MYLK4: variants seen among roughly 807,000 people sequenced by gnomAD.
MYLK4 encodes myosin light chain kinase family member 4.
In MYLK4, 46 loss-of-function variants were observed where a neutral mutation model predicts 48.1. The ratio of observed to expected loss-of-function variants is 0.96; its 90% CI spans 0.75 to 1.22. MYLK4 has a LOEUF of 1.22. MYLK4 is among the 50% of genes most tolerant of loss of function. MYLK4 has a pLI of 0.00. For synonymous variants in MYLK4, 170 were observed against 180.8 expected, an observed-to-expected ratio of 0.94 and a Z score of 0.48; for missense variants, 451 against 486.1, an observed-to-expected ratio of 0.93 and a Z score of 0.68.
intron 2 of MYLK4, among the ~76,000 whole-genome samples, chr6:2,710,155 G>A (rs1762623264): frequency 6.6e-6 from 1 of 152,114 alleles, no homozygotes; most frequent in Non-Finnish European, 1.5e-5. Context: ...TCACTTGTAA[G>A]TTTTCTGACA....
intron 7 of MYLK4, chr6:2,680,696 T>C (rs1409503893): frequency 4.0e-6 from 2 of 506,054 alleles, no homozygotes; most frequent in Non-Finnish European, 5.1e-6. Context: ...ATTGATGAGT[T>C]CCAAGGGAAT....
At chr6:2,703,564 G>A (rs1156471534) in intron 2 of MYLK4, among the ~76,000 whole-genome samples, 1 of 150,730 alleles carries the variant, frequency 6.6e-6, no homozygotes, top group Non-Finnish European at 1.5e-5. Context: ...CTCTGGGAGT[G>A]ATTCTGATGC....
intron 2 of MYLK4, among the ~76,000 whole-genome samples, chr6:2,709,744 T>C (rs1366848899): frequency 6.6e-6 from 1 of 152,192 alleles, no homozygotes; most frequent in Non-Finnish European, 1.5e-5. Flanking sequence ...TTGTAAAGCT[T>C]GTGCTAAATG....
rs1407118921 is a variant in MYLK4, at chr6:2,663,774, A to G, written c.*4151T>C. ...ACATGATAGACACAATCACCACGTT[A>G]TGAATCCTTTTTTTAATTTCTTATC... On this transcript the variant is annotated 3_prime_UTR_variant, in exon 13 of 13. Coordinates refer to ENST00000274643, the MANE Select transcript of MYLK4 (RefSeq NM_001012418.5). 6.6e-6 allele frequency: 1 copy of G among 152,626 alleles called. No homozygotes were observed. Among genetic ancestry groups the G allele is most frequent in the African/African-American group, 2.4e-5 (1 of 41,414 alleles). The allele number at this position is 152,626 out of a possible 1,614,324, so 9.5% of individuals were successfully genotyped here.
intron 12 of MYLK4, among the ~76,000 whole-genome samples, chr6:2,670,961 C>T (rs1050837943): frequency 6.6e-6 from 1 of 151,992 alleles, no homozygotes; most frequent in Non-Finnish European, 1.5e-5. Context: ...GTTACCAGCA[C>T]CCCCTGGGCT....
chr6:2,736,363 A>T lies in MYLK4; in HGVS notation c.159+12773T>A, dbSNP rs113980817. On this transcript the variant is annotated intron_variant, in intron 2 of 12. Coordinates refer to ENST00000274643, the MANE Select transcript of MYLK4 (RefSeq NM_001012418.5). ...TCCGCCTCCCAGGTTCAAGCAAATC[A>T]CCTGCCTCGGCCTCCCAAGTAGCTG... Among the ~76,000 whole-genome samples, 859 of 152,270 alleles carry T rather than the reference A, an allele frequency of 5.6e-3. 2 individuals carry two copies. Among genetic ancestry groups the T allele is most frequent in the Non-Finnish European group, 8.6e-3 (588 of 68,022 alleles).
chr6:2,761,890 T>G, the MYLK4 span, among the ~76,000 whole-genome samples: 1 of 152,138 alleles, frequency 6.6e-6, no homozygotes, highest in African/African-American at 2.4e-5. Context: ...AAAAAGGAAA[T>G]GGCATTATAC....
the MYLK4 span, among the ~76,000 whole-genome samples, chr6:2,763,600 G>A: frequency 6.6e-6 from 1 of 152,220 alleles, no homozygotes; most frequent in African/African-American, 2.4e-5. Flanking sequence ...CGGAACTCGC[G>A]CTGGCCCGCA....
At chr6:2,718,179 CAAAAA>C (rs10590230) in intron 2 of MYLK4, among the ~76,000 whole-genome samples, 35,210 of 133,132 alleles carry the variant, frequency 0.26, 4,839 homozygotes, top group African/African-American at 0.4. Flanking sequence ...AACTCTGTCT[CAAAAA>C]AAAAAAAAAA....
chr6:2,670,349 G>A (rs1441195413), intron 12 of MYLK4, among the ~76,000 whole-genome samples: 1 of 146,168 alleles, frequency 6.8e-6, no homozygotes, highest in Non-Finnish European at 1.5e-5. Flanking sequence ...CTGGGTGACA[G>A]AGCAAGACTC....
chr6:2,751,082 C>A (rs1223986468), upstream of MYLK4: 1 of 152,576 alleles, frequency 6.6e-6, no homozygotes, highest in African/African-American at 2.4e-5. Context: ...GAGGATGAAC[C>A]GGGAACACTG....
the MYLK4 span, among the ~76,000 whole-genome samples, chr6:2,764,784 C>G: frequency 1.3e-5 from 2 of 152,162 alleles, no homozygotes; most frequent in African/African-American, 4.8e-5. Context: ...AGGTGAACCG[C>G]CCTTGACTTA....
intron 2 of MYLK4, among the ~76,000 whole-genome samples, chr6:2,729,777 C>T (rs537459264): frequency 1.3e-5 from 2 of 152,218 alleles, no homozygotes; most frequent in Admixed American, 6.5e-5. Flanking sequence ...TTTCTGACAA[C>T]CTACAAAGAA....
chr6:2,765,596 C>T, the MYLK4 span: 15 of 1,478,356 alleles, frequency 1.0e-5, no homozygotes, highest in African/African-American at 7.3e-5. Flanking sequence ...GCGGCCGCGC[C>T]GGGCGCCGGG....
chr6:2,683,145 A>G lies in MYLK4; in HGVS notation c.563T>C (p.Leu188Pro), dbSNP rs1220210340. The change falls in exon 7 of 13, where the codon CTG becomes CCG. Residue 188 changes from leucine to proline, a missense_variant. Leu to Pro is a moderately conservative substitution (Grantham distance 98). Transcript: ENST00000274643. ...LVMEYVDGGE[L>P]FDRIIDESYN... ...GCTCTCATCGATGATGCGGTCAAAC[A>G]GCTCCCCACCATCCACACTGCAGAG... is the stretch of plus-strand genomic sequence containing the variant. 9.9e-6 allele frequency: 16 copies of G among 1,613,964 alleles called. No individual in the cohort carries two copies. The highest frequency in any genetic ancestry group is 1.4e-5 in the Non-Finnish European group (16 of 1,180,016).
At chr6:2,701,318 A>C (rs1350157953) in intron 2 of MYLK4, among the ~76,000 whole-genome samples, 1 of 152,050 alleles carries the variant, frequency 6.6e-6, no homozygotes, top group Non-Finnish European at 1.5e-5. Context: ...CTCTGAGCCT[A>C]AGTTCAGTTC....
intron 2 of MYLK4, among the ~76,000 whole-genome samples, chr6:2,706,051 C>T (rs1762475005): frequency 6.6e-6 from 1 of 152,138 alleles, no homozygotes; most frequent in Non-Finnish European, 1.5e-5. Context: ...GGATGACCGT[C>T]GATAACACTG....
chr6:2,676,337 G>T (rs966610301), intron 10 of MYLK4, among the ~76,000 whole-genome samples: 1 of 152,108 alleles, frequency 6.6e-6, no homozygotes. Flanking sequence ...ACAGGCAGAG[G>T]TAATTTTTAA....
chr6:2,734,032 T>G (rs1386698668), intron 2 of MYLK4, among the ~76,000 whole-genome samples: 1 of 151,976 alleles, frequency 6.6e-6, no homozygotes, highest in East Asian at 1.9e-4. Context: ...GACCACAGAC[T>G]CCAGACACTA....
Sources: allele counts gnomAD v4.1 joint callset (sites outside exome capture counted in the v4.1 genomes callset), GRCh38; gene constraint gnomAD v4.1.1; transcripts MANE v1.5; gene names NCBI Gene and HGNC (gene_info 2026-07-23, HGNC 2026-07-21).